Variants in GRK3 observed in about 807,000 individuals in gnomAD.
GRK3 encodes adrenergic, beta, receptor kinase 2.
A neutral mutation model predicts 95.7 loss-of-function variants in GRK3; 54 were observed. The ratio of observed to expected loss-of-function variants is 0.56; its 90% CI spans 0.45 to 0.71. The LOEUF (loss-of-function observed/expected upper bound fraction) is 0.71. Ranked by LOEUF, GRK3 falls within the 30% of genes least tolerant of loss-of-function variation. GRK3 has a pLI of 0.00. For synonymous variants in GRK3, 281 were observed against 290.8 expected (o/e 0.97, Z 0.34); for missense variants, 649 against 851.2 (o/e 0.76, Z 2.96).
intron 12 of GRK3, among the ~76,000 whole-genome samples, chr22:25,693,088 C>T (rs1311986532): frequency 1.3e-5 from 2 of 152,168 alleles, no homozygotes; most frequent in African/African-American, 4.8e-5. Context: ...ATGAAAAAAT[C>T]GCAGGAAAAC....
At chr22:25,697,465 CTT>C (rs2085218483) in intron 13 of GRK3, among the ~76,000 whole-genome samples, 1 of 152,178 alleles carries the variant, frequency 6.6e-6, no homozygotes, top group South Asian at 2.1e-4. Context: ...CGAAAAGAGT[CTT>C]GACAGACAGG....
At chr22:25,643,458 T>C (rs2084758019) in intron 2 of GRK3, among the ~76,000 whole-genome samples, 1 of 152,252 alleles carries the variant, frequency 6.6e-6, no homozygotes, top group African/African-American at 2.4e-5. Flanking sequence ...CTAATGTTAA[T>C]TAAAATCTCA....
intron 1 of GRK3, among the ~76,000 whole-genome samples, chr22:25,586,483 A>T (rs1315975907): frequency 6.6e-6 from 1 of 152,296 alleles, no homozygotes; most frequent in Non-Finnish European, 1.5e-5. Flanking sequence ...CCCCGTAAAT[A>T]TATCTACCTA....
intron 5 of GRK3, among the ~76,000 whole-genome samples, chr22:25,665,860 A>T (rs1324005484): frequency 6.6e-6 from 1 of 152,198 alleles, no homozygotes; most frequent in African/African-American, 2.4e-5. Context: ...TTGTTGTAAG[A>T]TTGCCTTTAG....
At chr22:25,624,958 C>G (rs915135492) in intron 2 of GRK3, among the ~76,000 whole-genome samples, 5 of 150,658 alleles carry the variant, frequency 3.3e-5, no homozygotes, top group African/African-American at 1.2e-4. Context: ...GCTCTGTCTC[C>G]CAGGCTGGAG....
rs202153548 is a variant in GRK3 at position 25,579,480 on chromosome 22, AT to A, written c.113+14337del. ...GGGGACTTCTTTTTTTATTTTTATT[AT>A]TTTTTTTTTGAGATGGTGTCTCACT... On this transcript the variant is annotated intron_variant, in intron 1 of 20. Transcript: ENST00000324198. 7.2e-3 allele frequency among the ~76,000 whole-genome samples: 1,037 copies of A among 143,388 alleles called. 14 individuals are homozygous for A. The highest frequency in any genetic ancestry group is 0.025 in the African/African-American group (978 of 38,544). The allele number at this position is 143,388 out of a possible 152,430, so 94.1% of individuals were successfully genotyped here. A position where few individuals can be genotyped will look rare whatever the true frequency, so the allele number is the denominator to read the frequency against.
intron 1 of GRK3, among the ~76,000 whole-genome samples, chr22:25,588,433 A>G (rs1464062441): frequency 6.6e-6 from 1 of 152,246 alleles, no homozygotes; most frequent in Admixed American, 6.5e-5. Flanking sequence ...AAATTATATG[A>G]GACTTTCCTG....
chr22:25,594,088 C>CT lies in GRK3; in HGVS notation c.114-10282dup, dbSNP rs1010956939. Among the ~76,000 whole-genome samples the CT allele has an allele frequency of 2.6e-5, 4 of 152,156 alleles. No individual in the cohort carries two copies. The South Asian group carries it at 6.2e-4, about 24-fold the overall frequency. On this transcript the variant is annotated intron_variant, in intron 1 of 20. Coordinates refer to ENST00000324198, the MANE Select transcript of GRK3 (RefSeq NM_005160.4). ...TAAGATTACTTTGGCTATTTGGGCT[C>CT]TTTTTTTATTCCATATTAATCTTAG...
chr22:25,572,793 C>G (rs965524275), intron 1 of GRK3, among the ~76,000 whole-genome samples: 3 of 152,192 alleles, frequency 2.0e-5, no homozygotes, highest in African/African-American at 4.8e-5. Flanking sequence ...GATCTGAAAG[C>G]AGCTGGCTTC....
At chr22:25,660,962 C>T (rs2084905368) in intron 3 of GRK3, among the ~76,000 whole-genome samples, 2 of 152,202 alleles carry the variant, frequency 1.3e-5, no homozygotes, top group Non-Finnish European at 2.9e-5. Context: ...TTGCTGAATA[C>T]AGCAAAATAC....
At chr22:25,663,812 A>T in intron 5 of GRK3, 108 bp downstream of exon 5, 1 of 738,576 alleles carries the variant, frequency 1.4e-6, no homozygotes, top group East Asian at 2.7e-5. Context: ...CTTTGTAAAG[A>T]CTGTGTTCTA....
At chr22:25,682,242 C>T (rs2046823420) in intron 9 of GRK3, among the ~76,000 whole-genome samples, 1 of 152,098 alleles carries the variant, frequency 6.6e-6, no homozygotes, top group South Asian at 2.1e-4. Context: ...GGACAGTGGC[C>T]TGTGGAGTGC....
At chr22:25,720,467 CTTTTTTTTTTTT>C (rs963248407) in intron 19 of GRK3, among the ~76,000 whole-genome samples, 88 of 102,574 alleles carry the variant, frequency 8.6e-4, no homozygotes, top group African/African-American at 3.2e-3. Flanking sequence ...ATACTATAGA[CTTTTTTTTTTTT>C]TTTTTTTTTT....
chr22:25,692,156 C>T (rs141706678), intron 12 of GRK3, among the ~76,000 whole-genome samples: 89 of 152,154 alleles, frequency 5.8e-4, no homozygotes, highest in African/African-American at 2.0e-3. Flanking sequence ...TTTTTAAAGA[C>T]GGGGTCTCCC....
intron 2 of GRK3, among the ~76,000 whole-genome samples, chr22:25,633,756 G>T (rs1462542123): frequency 6.6e-6 from 1 of 151,996 alleles, no homozygotes; most frequent in Non-Finnish European, 1.5e-5. Context: ...TGTATTTCAT[G>T]ATAATATTTT....
At chr22:25,640,510 A>G (rs2084735261) in intron 2 of GRK3, among the ~76,000 whole-genome samples, 1 of 152,156 alleles carries the variant, frequency 6.6e-6, no homozygotes, top group Non-Finnish European at 1.5e-5. Flanking sequence ...CAATATTGGG[A>G]GGAAGTTTTA....
chr22:25,681,568 G>A (rs1169750634), intron 9 of GRK3, among the ~76,000 whole-genome samples: 3 of 147,394 alleles, frequency 2.0e-5, no homozygotes, highest in African/African-American at 7.5e-5. Flanking sequence ...GAAGGGCATC[G>A]CCGGCCGATC....
At chr22:25,586,560 A>G (rs1205384339) in intron 1 of GRK3, among the ~76,000 whole-genome samples, 1 of 152,292 alleles carries the variant, frequency 6.6e-6, no homozygotes. Flanking sequence ...GGGAAATGAT[A>G]TAGCAGTGAT....
intron 9 of GRK3, among the ~76,000 whole-genome samples, chr22:25,680,177 A>T (rs989084021): frequency 1.3e-5 from 2 of 152,242 alleles, no homozygotes; most frequent in Non-Finnish European, 2.9e-5. Context: ...AAGTTACAAC[A>T]AATGGAAACC....
Sources: allele counts gnomAD v4.1 joint callset (sites outside exome capture counted in the v4.1 genomes callset), GRCh38; gene constraint gnomAD v4.1.1; transcripts MANE v1.5; gene names NCBI Gene and HGNC (gene_info 2026-07-23, HGNC 2026-07-21).